Variants in PTPRN2 observed in about 807,000 individuals in gnomAD.
PTPRN2 encodes the protein protein tyrosine phosphatase receptor type N2, also known as receptor-type tyrosine-protein phosphatase N2.
Under a neutral mutation model 118.8 loss-of-function variants are expected in PTPRN2, and 74 were observed. That is an observed-to-expected ratio of 0.62 (90% CI 0.52 to 0.76). The LOEUF (loss-of-function observed/expected upper bound fraction) is 0.76. Ranked by LOEUF, PTPRN2 falls within the 30% of genes least tolerant of loss-of-function variation. PTPRN2 has a pLI of 0.00. For synonymous variants in PTPRN2, 641 were observed against 608.0 expected (o/e 1.05, Z -0.80); for missense variants, 1,481 against 1,394.4 (o/e 1.06, Z -0.99).
At chr7:157,635,094 C>T (rs184174780) in intron 14 of PTPRN2, among the ~76,000 whole-genome samples, 16 of 152,304 alleles carry the variant, frequency 1.1e-4, no homozygotes, top group South Asian at 4.2e-4. Context: ...GCCAACGCCA[C>T]GTATATTGAG....
chr7:158,120,338 TTA>T (rs1817057774), intron 9 of PTPRN2, among the ~76,000 whole-genome samples: 1 of 152,180 alleles, frequency 6.6e-6, no homozygotes, highest in Non-Finnish European at 1.5e-5. Flanking sequence ...ACAGTAAACT[TTA>T]TGTTATCTAT....
intron 2 of PTPRN2, among the ~76,000 whole-genome samples, chr7:158,420,539 G>A (rs1294115469): frequency 2.0e-5 from 3 of 152,198 alleles, no homozygotes; most frequent in African/African-American, 4.8e-5. Context: ...TGTTTTTAAT[G>A]AGAAGAGTTA....
intron 10 of PTPRN2, among the ~76,000 whole-genome samples, chr7:158,092,893 C>T (rs963507784): frequency 8.5e-5 from 13 of 152,172 alleles, no homozygotes; most frequent in African/African-American, 3.1e-4. Flanking sequence ...ACCAAGAGAG[C>T]ACGCTGCTGT....
At chr7:157,816,250 C>T (rs923010559) in intron 12 of PTPRN2, among the ~76,000 whole-genome samples, 10 of 152,204 alleles carry the variant, frequency 6.6e-5, no homozygotes, top group Non-Finnish European at 1.3e-4. Flanking sequence ...CGTGCCTGCC[C>T]CGCCTCCCTG....
chr7:157,621,657 C>T (rs146347179), intron 14 of PTPRN2, 148 bp from the exon 15 acceptor site: 65 of 936,546 alleles, frequency 6.9e-5, no homozygotes, highest in Middle Eastern at 2.3e-4. Context: ...CGTTGTGCTA[C>T]GGTGCACAAT....
intron 2 of PTPRN2, among the ~76,000 whole-genome samples, chr7:158,362,534 C>A (rs1170455324): frequency 6.6e-6 from 1 of 152,262 alleles, no homozygotes; most frequent in Non-Finnish European, 1.5e-5. Context: ...GACTCATCTA[C>A]ATTTTGTTGG....
At chr7:157,545,507 G>A (rs571285099) in intron 22 of PTPRN2, among the ~76,000 whole-genome samples, 19 of 151,978 alleles carry the variant, frequency 1.3e-4, no homozygotes, top group Non-Finnish European at 2.5e-4. Flanking sequence ...AGGTGTGTGG[G>A]TGTACACAGT....
rs553184759 is a variant in PTPRN2, at chr7:158,438,663, T to A, written c.163+51072A>T. Among the ~76,000 whole-genome samples the A allele has an allele frequency of 2.1e-3, 316 of 152,330 alleles. No individual in the cohort carries two copies. Among genetic ancestry groups the A allele is most frequent in the Non-Finnish European group, 4.0e-3 (269 of 68,030 alleles). On this transcript the variant is annotated intron_variant, in intron 2 of 22. Transcript: ENST00000389418. This position sits in a 1 kb window ranked among gnomAD's most constrained non-coding sequence, Gnocchi z 4.7. ...CGTTGTTGATTTTCCTGGAATTTGCTAATGATGAATCGTGCTGTGTGAAAA... is the reference window on the plus strand; with the variant it reads ...CGTTGTTGATTTTCCTGGAATTTGCAAATGATGAATCGTGCTGTGTGAAAA...
At chr7:157,788,990 C>T (rs1804258396) in intron 12 of PTPRN2, among the ~76,000 whole-genome samples, 1 of 152,250 alleles carries the variant, frequency 6.6e-6, no homozygotes. Flanking sequence ...CCCCTTCCTG[C>T]CTCCATTTCC....
chr7:157,969,308 C>T (rs1360648911), intron 11 of PTPRN2, among the ~76,000 whole-genome samples: 2 of 152,142 alleles, frequency 1.3e-5, no homozygotes, highest in Non-Finnish European at 2.9e-5. Flanking sequence ...CGGGATCTCA[C>T]CATGTTGCCC....
At chr7:157,557,054 C>T (rs1288758400) in intron 21 of PTPRN2, among the ~76,000 whole-genome samples, 2 of 151,788 alleles carry the variant, frequency 1.3e-5, no homozygotes, top group East Asian at 1.9e-4. Context: ...AGATGCACAC[C>T]CCACACTCAT....
At chr7:158,150,100 G>C (rs190898571) in intron 6 of PTPRN2, among the ~76,000 whole-genome samples, 1 of 152,188 alleles carries the variant, frequency 6.6e-6, no homozygotes, top group Non-Finnish European at 1.5e-5. Flanking sequence ...GCAGAAGGCT[G>C]CCGTGGGTGT....
Position 158,378,148 on chromosome 7 carries a change from A to G in PTPRN2, c.164-61216T>C, listed in dbSNP as rs1441519530. On this transcript the variant is annotated intron_variant, in intron 2 of 22. Coordinates refer to ENST00000389418, the MANE Select transcript of PTPRN2 (RefSeq NM_002847.5). Reference sequence around the variant, plus strand: ...CCGCATTTTACTGCATACAAATCATATGATTATACAAACCTGAACAAACCT... The same window carrying G: ...CCGCATTTTACTGCATACAAATCATGTGATTATACAAACCTGAACAAACCT... Among the ~76,000 whole-genome samples the G allele has an allele frequency of 3.3e-5, 5 of 152,012 alleles. No homozygotes were observed. The East Asian group carries it at 7.7e-4, about 23-fold the overall frequency.
At chr7:157,832,003 C>T (rs1196770344) in intron 12 of PTPRN2, among the ~76,000 whole-genome samples, 1 of 152,106 alleles carries the variant, frequency 6.6e-6, no homozygotes, top group Non-Finnish European at 1.5e-5. Context: ...TGCTGATGGC[C>T]CTGAGGGGTC....
chr7:158,147,768 C>T (rs1354913044), intron 6 of PTPRN2, among the ~76,000 whole-genome samples: 2 of 120,386 alleles, frequency 1.7e-5, no homozygotes, highest in African/African-American at 3.8e-5. Flanking sequence ...CCCCACCTCA[C>T]GCCACGTGTT....
intron 12 of PTPRN2, among the ~76,000 whole-genome samples, chr7:157,697,731 C>G (rs1219095848): frequency 1.4e-5 from 2 of 139,844 alleles, no homozygotes; most frequent in Non-Finnish European, 3.1e-5. Context: ...CATACTGGAT[C>G]TTGGCAGAGC....
In PTPRN2 at chr7:158,273,432, GCAGA is replaced by G. The variant is rs1441832265; in HGVS notation, c.277+43383_277+43386del. ...GCCGCAGACAGACGCGGGAGGAGCC[GCAGA>G]CAGACGCGGGAGGAGCCGCAGACGC... is the stretch of plus-strand genomic sequence containing the variant. On this transcript the variant is annotated intron_variant, in intron 3 of 22. Coordinates refer to ENST00000389418, the MANE Select transcript of PTPRN2 (RefSeq NM_002847.5). Among the ~76,000 whole-genome samples the G allele has an allele frequency of 5.3e-4, 59 of 110,914 alleles. 1 individual carries two copies. Among genetic ancestry groups the G allele is most frequent in the African/African-American group, 1.6e-3 (46 of 29,472 alleles). 72.8% of individuals were successfully genotyped at this position (110,914 alleles called of 152,430 possible).
chr7:157,951,933 G>T (rs1800838765), intron 11 of PTPRN2, among the ~76,000 whole-genome samples: 1 of 152,236 alleles, frequency 6.6e-6, no homozygotes, highest in Middle Eastern at 3.4e-3. Context: ...ACTCACTCCT[G>T]CTGCACCTGC....
intron 12 of PTPRN2, chr7:157,854,843 G>A (rs1412600780): frequency 1.2e-5 from 2 of 161,316 alleles, no homozygotes; most frequent in Non-Finnish European, 2.7e-5. Flanking sequence ...CATGTCCCTC[G>A]GGGCCTTGGG....
Sources: allele counts gnomAD v4.1 joint callset (sites outside exome capture counted in the v4.1 genomes callset), GRCh38; gene constraint gnomAD v4.1.1; non-coding constraint Gnocchi (gnomAD v3.1); transcripts MANE v1.5; gene names NCBI Gene and HGNC (gene_info 2026-07-23, HGNC 2026-07-21).